PDE10A: variants seen among roughly 807,000 people sequenced by gnomAD.
PDE10A encodes the protein cAMP and cAMP-inhibited cGMP 3',5'-cyclic phosphodiesterase 10A.
PDE10A carries 39 observed loss-of-function variants against 97.7 expected under a neutral mutation model. That is an observed-to-expected ratio of 0.40 (90% CI 0.31 to 0.52). The LOEUF is 0.52. Ranked by LOEUF, PDE10A falls within the 20% of genes least tolerant of loss-of-function variation. The pLI is 0.56. For missense variants in PDE10A, 731 were observed against 1,047.8 expected (o/e 0.70, Z 4.17); for synonymous variants, 371 against 376.8 (o/e 0.98, Z 0.18).
In PDE10A at chr6:165,938,287, G is replaced by A. The variant is rs560317424; in HGVS notation, c.-615+49242C>T. Among the ~76,000 whole-genome samples the A allele has an allele frequency of 4.6e-5, 7 of 152,358 alleles. No individual in the cohort carries two copies. In the South Asian group the frequency reaches 6.2e-4, roughly 14 times the overall value. On this transcript the variant is annotated intron_variant, in intron 1 of 19. Transcript: ENST00000366882. ...AAACACTGCTTCACAAAGCTGTAGC[G>A]TGGAGTCCATTGACAACTGTGAGCA... is the stretch of plus-strand genomic sequence containing the variant.
intron 1 of PDE10A, among the ~76,000 whole-genome samples, chr6:165,974,137 T>G (rs1030563654): frequency 6.6e-6 from 1 of 152,258 alleles, no homozygotes; most frequent in Non-Finnish European, 1.5e-5. Flanking sequence ...AATGCAGATA[T>G]GTAGAGTTTT....
chr6:165,582,495 TAAATA>T (rs995026384), intron 1 of PDE10A, among the ~76,000 whole-genome samples: 5 of 151,836 alleles, frequency 3.3e-5, no homozygotes, highest in African/African-American at 1.2e-4. Context: ...TTGTCAAGTC[TAAATA>T]AAATAAATCT....
chr6:165,930,017 CAGGCACATATCACT>C (rs1783077173), intron 1 of PDE10A, among the ~76,000 whole-genome samples: 1 of 149,930 alleles, frequency 6.7e-6, no homozygotes, highest in Non-Finnish European at 1.5e-5. Context: ...CCCTAATGAC[CAGGCACATATCACT>C]CCAGAAATGA....
chr6:165,793,983 C>T (rs1474158901), intron 1 of PDE10A, among the ~76,000 whole-genome samples: 1 of 152,114 alleles, frequency 6.6e-6, no homozygotes, highest in Non-Finnish European at 1.5e-5. Flanking sequence ...TAAAACCAGC[C>T]TCACAAAAAT....
intron 1 of PDE10A, among the ~76,000 whole-genome samples, chr6:165,737,912 T>C (rs1292242527): frequency 6.6e-6 from 1 of 152,186 alleles, no homozygotes; most frequent in Non-Finnish European, 1.5e-5. Context: ...CCCTAAAGAC[T>C]ATACAAATAA....
chr6:165,763,932 G>T (rs1793311845), intron 1 of PDE10A, among the ~76,000 whole-genome samples: 1 of 152,144 alleles, frequency 6.6e-6, no homozygotes, highest in South Asian at 2.1e-4. Flanking sequence ...CAATCATAAG[G>T]GATAAGTTAT....
At chr6:165,456,655 G>T (rs1449217812) in intron 3 of PDE10A, among the ~76,000 whole-genome samples, 4 of 152,168 alleles carry the variant, frequency 2.6e-5, no homozygotes, top group Non-Finnish European at 5.9e-5. Flanking sequence ...TGTATAATAA[G>T]AAGGCTGAAT....
intron 1 of PDE10A, among the ~76,000 whole-genome samples, chr6:165,560,117 T>G (rs1403319253): frequency 6.6e-6 from 1 of 152,242 alleles, no homozygotes; most frequent in African/African-American, 2.4e-5. Flanking sequence ...AGGTTGGTCC[T>G]AAAATAGGAA....
At chr6:165,600,357 T>C (rs907460895) in intron 1 of PDE10A, among the ~76,000 whole-genome samples, 4 of 152,236 alleles carry the variant, frequency 2.6e-5, no homozygotes, top group Non-Finnish European at 5.9e-5. Flanking sequence ...GAATGAGTTC[T>C]CTGTAAAGTC....
At chr6:165,963,960 G>A (rs1017662108) in intron 1 of PDE10A, among the ~76,000 whole-genome samples, 1 of 152,216 alleles carries the variant, frequency 6.6e-6, no homozygotes, top group Non-Finnish European at 1.5e-5. Context: ...GTCAGCTAAG[G>A]TGTCAGCGGC....
chr6:165,537,094 G>T (rs1783132825), intron 2 of PDE10A, among the ~76,000 whole-genome samples: 1 of 151,754 alleles, frequency 6.6e-6, no homozygotes, highest in South Asian at 2.1e-4. Flanking sequence ...TATACAAAAC[G>T]AAATATTATT....
At chr6:165,467,526 T>C (rs564135509) in intron 3 of PDE10A, among the ~76,000 whole-genome samples, 2 of 152,338 alleles carry the variant, frequency 1.3e-5, no homozygotes, top group South Asian at 4.1e-4. Flanking sequence ...AAATTGACTC[T>C]GCCTGTGTTC....
rs1038147187 is a variant in PDE10A, at chr6:165,330,643, A to C, written c.*2382T>G. On this transcript the variant is annotated 3_prime_UTR_variant, in exon 22 of 22. Coordinates refer to ENST00000539869, the MANE Select transcript of PDE10A (RefSeq NM_001385079.1). Reference sequence around the variant, plus strand: ...CTTTGGGAAACTGTTCTAAATAGAGATTACATAATACACTTGACTATAATA... The same window carrying C: ...CTTTGGGAAACTGTTCTAAATAGAGCTTACATAATACACTTGACTATAATA... 6.6e-6 allele frequency: 1 copy of C among 152,206 alleles called. No homozygotes were observed. Among genetic ancestry groups the C allele is most frequent in the Non-Finnish European group, 1.5e-5 (1 of 68,018 alleles). The allele number at this position is 152,206 out of a possible 1,614,324, so 9.4% of individuals were successfully genotyped here.
intron 1 of PDE10A, among the ~76,000 whole-genome samples, chr6:165,613,043 C>G (rs781610726): frequency 2.6e-5 from 4 of 152,160 alleles, no homozygotes; most frequent in African/African-American, 4.8e-5. Context: ...TTCTCTTTAT[C>G]TAGAGGATAG....
chr6:165,445,103 G>A (rs530761168), intron 5 of PDE10A, among the ~76,000 whole-genome samples: 7 of 152,064 alleles, frequency 4.6e-5, no homozygotes, highest in African/African-American at 1.2e-4. Context: ...TGCAAAAGGC[G>A]AAATACAAAA....
intron 1 of PDE10A, among the ~76,000 whole-genome samples, chr6:165,846,754 A>C (rs1253101078): frequency 6.6e-6 from 1 of 152,234 alleles, no homozygotes; most frequent in South Asian, 2.1e-4. Flanking sequence ...CTGGATGAGA[A>C]GTGAGAGCCG....
chr6:165,735,049 G>A (rs1298588098), intron 1 of PDE10A, among the ~76,000 whole-genome samples: 1 of 151,776 alleles, frequency 6.6e-6, no homozygotes, highest in Non-Finnish European at 1.5e-5. Flanking sequence ...AGATAATAGG[G>A]AGGTAGACAG....
intron 1 of PDE10A, among the ~76,000 whole-genome samples, chr6:165,762,429 T>C (rs1359901853): frequency 6.6e-6 from 1 of 152,116 alleles, no homozygotes; most frequent in East Asian, 1.9e-4. Flanking sequence ...TAAGTAGCAC[T>C]TTTTAAAAGG....
chr6:165,905,555 G>T (rs1782237708), intron 1 of PDE10A, among the ~76,000 whole-genome samples: 1 of 151,990 alleles, frequency 6.6e-6, no homozygotes, highest in South Asian at 2.1e-4. Flanking sequence ...ATACATATAT[G>T]AATTTAAAGA....
Sources: gnomAD v4.1 joint callset for allele counts (sites outside exome capture counted in the v4.1 genomes callset) on GRCh38, gnomAD v4.1.1 for gene constraint, MANE v1.5 for transcripts, NCBI Gene and HGNC (gene_info 2026-07-23, HGNC 2026-07-21) for gene names.